Variants in MTRF1 observed in about 807,000 individuals in gnomAD.
MTRF1 encodes mitochondrial translation release factor 1, also known as peptide chain release factor 1, mitochondrial.
Under a neutral mutation model 62.9 loss-of-function variants are expected in MTRF1, and 51 were observed. That is an observed-to-expected ratio of 0.81 (90% CI 0.65 to 1.02). The LOEUF is 1.02. Among genes scored for constraint, MTRF1 ranks in the 50% least tolerant of loss-of-function variants. The probability of loss-of-function intolerance (pLI) is 0.00; values close to 1 mark genes in which losing one functional copy is unlikely to be tolerated. For synonymous variants in MTRF1, 158 were observed against 181.9 expected (o/e 0.87, Z 1.06); for missense variants, 446 against 530.0 (o/e 0.84, Z 1.56).
chr13:41,232,522 G>A (rs1232933645), intron 7 of MTRF1, among the ~76,000 whole-genome samples: 1 of 152,168 alleles, frequency 6.6e-6, no homozygotes, highest in South Asian at 2.1e-4. Context: ...AATGTTCTAA[G>A]GGGAAATTAT....
chr13:41,271,549 C>G, the MTRF1 span, among the ~76,000 whole-genome samples: 1 of 152,140 alleles, frequency 6.6e-6, no homozygotes, highest in Middle Eastern at 3.2e-3. Context: ...TTTCCATCGT[C>G]TTTCATGTTT....
At chr13:41,240,811 A>G (rs1271656931) in intron 5 of MTRF1, among the ~76,000 whole-genome samples, 1 of 152,200 alleles carries the variant, frequency 6.6e-6, no homozygotes, top group Admixed American at 6.5e-5. Flanking sequence ...AGGGAAAACT[A>G]CTATTAGAAC....
the MTRF1 span, chr13:41,311,529 A>C: frequency 5.0e-6 from 8 of 1,603,822 alleles, no homozygotes; most frequent in Non-Finnish European, 6.8e-6. Flanking sequence ...GCCGGCCACG[A>C]TGCCGAACGT....
intron 6 of MTRF1, among the ~76,000 whole-genome samples, chr13:41,237,218 CAAA>C (rs11412273): frequency 3.1e-5 from 2 of 63,886 alleles, no homozygotes; most frequent in Admixed American, 2.1e-4. Context: ...GAATCTGTCT[CAAA>C]AAAAAAAAAA....
intron 2 of MTRF1, among the ~76,000 whole-genome samples, chr13:41,256,332 T>G (rs2039712093): frequency 6.6e-6 from 1 of 151,534 alleles, no homozygotes; most frequent in African/African-American, 2.4e-5. Context: ...TGTAGAATTT[T>G]TTTTTTTTTT....
the MTRF1 span, among the ~76,000 whole-genome samples, chr13:41,279,721 T>C: frequency 6.6e-6 from 1 of 152,192 alleles, no homozygotes; most frequent in Non-Finnish European, 1.5e-5. Flanking sequence ...TTGCCATACC[T>C]TGAAATTGCC....
At chr13:41,249,656 T>A (rs1325278519) in intron 5 of MTRF1, among the ~76,000 whole-genome samples, 1 of 99,286 alleles carries the variant, frequency 1.0e-5, no homozygotes, top group Non-Finnish European at 1.8e-5. Flanking sequence ...GAGATGGGAG[T>A]CATTCTGTCG....
the MTRF1 span, among the ~76,000 whole-genome samples, chr13:41,282,340 C>T: frequency 6.6e-6 from 1 of 151,976 alleles, no homozygotes; most frequent in East Asian, 1.9e-4. Flanking sequence ...GCCTATACTT[C>T]CAGCTACTTG....
chr13:41,240,604 A>G (rs1214635536), intron 5 of MTRF1, among the ~76,000 whole-genome samples, 171 bp from the exon 6 acceptor site: 1 of 152,232 alleles, frequency 6.6e-6, no homozygotes, highest in Non-Finnish European at 1.5e-5. Context: ...GACATAAAGT[A>G]TGCACAAAAC....
Position 41,234,270 on chromosome 13 carries a change from T to C in MTRF1, c.871-263A>G, listed in dbSNP as rs138205940. ...ATAGCTCACTGTAACCTCAAACTCC[T>C]GGGCTTAAGTGATCCTCCTGCCTCA... On this transcript the variant is annotated intron_variant, in intron 6 of 9. Transcript: ENST00000379480. Among the ~76,000 whole-genome samples, 17 of 152,324 alleles carry C rather than the reference T, an allele frequency of 1.1e-4. No homozygotes were observed. The East Asian group carries it at 2.7e-3, about 24-fold the overall frequency.
the MTRF1 span, among the ~76,000 whole-genome samples, chr13:41,306,732 T>A: frequency 6.6e-6 from 1 of 152,180 alleles, no homozygotes; most frequent in Admixed American, 6.5e-5. Flanking sequence ...TATTTTACTT[T>A]ATGCATGATT....
At chr13:41,259,403 A>C (rs1000729696) in intron 2 of MTRF1, among the ~76,000 whole-genome samples, 7 of 152,220 alleles carry the variant, frequency 4.6e-5, no homozygotes, top group Non-Finnish European at 8.8e-5. Flanking sequence ...CAGTAATGAA[A>C]AGAAATAAAG....
chr13:41,269,997 C>A, the MTRF1 span, among the ~76,000 whole-genome samples: 36 of 152,282 alleles, frequency 2.4e-4, no homozygotes, highest in Non-Finnish European at 4.6e-4. Flanking sequence ...TGCCTAAAGC[C>A]ACAAGATTAG....
At chr13:41,265,839 GTTTTTTGT>G (rs955656428), upstream of MTRF1, among the ~76,000 whole-genome samples, 31 of 152,158 alleles carry the variant, frequency 2.0e-4, no homozygotes, top group South Asian at 8.3e-4. Flanking sequence ...CCAGCTGGTG[GTTTTTTGT>G]TTTTTTGTTT....
In MTRF1 at chr13:41,223,688, G is replaced by A. The variant is rs190379805; in HGVS notation, c.1126-334C>T. On this transcript the variant is annotated intron_variant, in intron 8 of 9. Transcript: ENST00000379480. ...CTCTTTTATCCAAGTAGAAAATTCT[G>A]ACATTCTGCAATTTATCAAACATTT... Among the ~76,000 whole-genome samples, 37 of 152,216 alleles carry A rather than the reference G, an allele frequency of 2.4e-4. 1 individual carries two copies. Among genetic ancestry groups the A allele is most frequent in the Admixed American group, 1.7e-3 (26 of 15,296 alleles).
intron 3 of MTRF1, 140 bp from the exon 4 acceptor site, chr13:41,253,170 T>C (rs890961268): frequency 1.6e-6 from 1 of 620,524 alleles, no homozygotes; most frequent in Admixed American, 3.5e-5. Flanking sequence ...CCAAAAATGC[T>C]ATAATAAGTA....
intron 5 of MTRF1, among the ~76,000 whole-genome samples, chr13:41,250,330 G>A (rs1159344142): frequency 6.6e-6 from 1 of 151,824 alleles, no homozygotes; most frequent in East Asian, 1.9e-4. Context: ...TCTAAACATG[G>A]CCATTCTCCA....
intron 8 of MTRF1, among the ~76,000 whole-genome samples, chr13:41,223,609 T>C (rs558285338): frequency 1.9e-3 from 293 of 152,324 alleles, no homozygotes; most frequent in African/African-American, 6.7e-3. Flanking sequence ...TAATCATCTT[T>C]CCACTCCAAT....
chr13:41,260,424 C>G (rs2040309575), intron 2 of MTRF1, 69 bp downstream of exon 2: 2 of 1,290,764 alleles, frequency 1.5e-6, no homozygotes, highest in Non-Finnish European at 2.1e-6. Context: ...TACTTACACA[C>G]ACGCATATAA....
Sources: gnomAD v4.1 joint callset for allele counts (sites outside exome capture counted in the v4.1 genomes callset) on GRCh38, gnomAD v4.1.1 for gene constraint, MANE v1.5 for transcripts, NCBI Gene and HGNC (gene_info 2026-07-23, HGNC 2026-07-21) for gene names.